CAB39L: variants seen among roughly 807,000 people sequenced by gnomAD.
CAB39L encodes calcium binding protein 39 like.
CAB39L carries 23 observed loss-of-function variants against 39.1 expected under a neutral mutation model. The ratio of observed to expected loss-of-function variants is 0.59; its 90% CI spans 0.42 to 0.83. The LOEUF (loss-of-function observed/expected upper bound fraction) is 0.83. Among genes scored for constraint, CAB39L ranks in the 40% least tolerant of loss-of-function variants. The pLI is 0.00. For synonymous variants in CAB39L, 126 were observed against 137.2 expected (o/e 0.92, Z 0.57); for missense variants, 366 against 391.9 (o/e 0.93, Z 0.56).
chr13:49,342,171 T>G (rs533925447), intron 8 of CAB39L, among the ~76,000 whole-genome samples: 2 of 152,332 alleles, frequency 1.3e-5, no homozygotes, highest in East Asian at 3.9e-4. Flanking sequence ...GTCTAGGATA[T>G]AAATGATTCA....
chr13:49,400,844 T>C (rs74072581), intron 3 of CAB39L, among the ~76,000 whole-genome samples: 100 of 152,298 alleles, frequency 6.6e-4, no homozygotes, highest in African/African-American at 2.4e-3. Flanking sequence ...GCCACTATTT[T>C]ATTTTTGGAA....
intron 3 of CAB39L, among the ~76,000 whole-genome samples, chr13:49,404,559 G>A (rs1202256438): frequency 6.6e-6 from 1 of 151,934 alleles, no homozygotes; most frequent in African/African-American, 2.4e-5. Flanking sequence ...GACCATCCAG[G>A]AAATTATGAC....
intron 3 of CAB39L, among the ~76,000 whole-genome samples, chr13:49,416,139 C>T (rs1298133574): frequency 6.6e-6 from 1 of 152,166 alleles, no homozygotes; most frequent in Non-Finnish European, 1.5e-5. Flanking sequence ...TTGCTTTTAC[C>T]CCAACTGTCT....
chr13:49,382,124 G>GT (rs1263571389), intron 4 of CAB39L, among the ~76,000 whole-genome samples: 41 of 150,790 alleles, frequency 2.7e-4, no homozygotes, highest in Admixed American at 2.2e-3. Context: ...GTGTAAAAAG[G>GT]TTTTTTTTTC....
At chr13:49,392,437 G>C (rs1406712421) in intron 3 of CAB39L, among the ~76,000 whole-genome samples, 2 of 152,016 alleles carry the variant, frequency 1.3e-5, no homozygotes, top group Non-Finnish European at 2.9e-5. Flanking sequence ...AGGAGTTTGA[G>C]ACCAGCCTGG....
chr13:49,349,674 TC>T (rs1010247143), intron 7 of CAB39L, among the ~76,000 whole-genome samples: 9 of 152,024 alleles, frequency 5.9e-5, no homozygotes, highest in African/African-American at 2.2e-4. Context: ...ATAATTATTA[TC>T]CCTCCCCAAA....
intron 7 of CAB39L, among the ~76,000 whole-genome samples, chr13:49,344,767 C>G (rs1314247403): frequency 6.6e-6 from 1 of 152,068 alleles, no homozygotes; most frequent in Non-Finnish European, 1.5e-5. Flanking sequence ...TGTGATCCAC[C>G]TGCCTCGGCC....
chr13:49,393,697 ACT>A (rs769506168), intron 3 of CAB39L, among the ~76,000 whole-genome samples: 2 of 151,898 alleles, frequency 1.3e-5, no homozygotes, highest in African/African-American at 4.8e-5. Flanking sequence ...TAAAAAAAAC[ACT>A]CTATTTTGTT....
At chr13:49,442,499 A>C (rs1957542839) in intron 1 of CAB39L, among the ~76,000 whole-genome samples, 1 of 152,142 alleles carries the variant, frequency 6.6e-6, no homozygotes, top group Non-Finnish European at 1.5e-5. Context: ...AATTAAGAAA[A>C]ATGATTCTCA....
intron 1 of CAB39L, among the ~76,000 whole-genome samples, chr13:49,440,838 T>C (rs1957504953): frequency 9.6e-6 from 1 of 104,430 alleles, no homozygotes; most frequent in Non-Finnish European, 2.4e-5. Context: ...CTACTGATTT[T>C]TGTACAGAGT....
chr13:49,355,468 A>C (rs1295209931), intron 6 of CAB39L, among the ~76,000 whole-genome samples: 2 of 152,182 alleles, frequency 1.3e-5, no homozygotes, highest in Non-Finnish European at 2.9e-5. Context: ...CACCCCTAGC[A>C]ACCAGATTGT....
intron 3 of CAB39L, among the ~76,000 whole-genome samples, chr13:49,420,953 A>G (rs1229883660): frequency 6.6e-6 from 1 of 152,186 alleles, no homozygotes; most frequent in South Asian, 2.1e-4. Flanking sequence ...AATAATAATC[A>G]TATCTAAGGG....
intron 7 of CAB39L, among the ~76,000 whole-genome samples, chr13:49,347,090 G>C (rs905194496): frequency 1.3e-5 from 2 of 151,476 alleles, no homozygotes; most frequent in Admixed American, 1.3e-4. Flanking sequence ...TTTGAAACCA[G>C]CTACTTTAAA....
rs57089737 is a variant in CAB39L, at chr13:49,337,732, GCACACACACA to G, written c.690+1935_690+1944del. On this transcript the variant is annotated intron_variant, in intron 9 of 10. Transcript: ENST00000409308. ...TCACTGATCGTCTAGCTGCTCTGGC[GCACACACACA>G]CACACACACACACACACACACACAC... Among the ~76,000 whole-genome samples the G allele has an allele frequency of 6.3e-3, 913 of 144,260 alleles. 6 individuals carry two copies. The highest frequency in any genetic ancestry group is 0.015 in the African/African-American group (581 of 38,972). 94.6% of individuals were successfully genotyped at this position (144,260 alleles called of 152,430 possible). A position where few individuals can be genotyped will look rare whatever the true frequency, so the allele number is the denominator to read the frequency against.
intron 5 of CAB39L, among the ~76,000 whole-genome samples, chr13:49,365,972 A>G (rs1245649240): frequency 6.6e-6 from 1 of 152,272 alleles, no homozygotes; most frequent in Non-Finnish European, 1.5e-5. Context: ...CTATTCAGTC[A>G]TAAAAAGGAA....
intron 3 of CAB39L, among the ~76,000 whole-genome samples, chr13:49,413,448 T>A (rs2138691925): frequency 6.6e-6 from 1 of 151,936 alleles, no homozygotes; most frequent in Admixed American, 6.5e-5. Context: ...TATAGTGAGA[T>A]AGAAAAAGGA....
At chr13:49,360,372 C>T (rs533660414) in intron 5 of CAB39L, among the ~76,000 whole-genome samples, 1 of 152,200 alleles carries the variant, frequency 6.6e-6, no homozygotes, top group South Asian at 2.1e-4. Flanking sequence ...TTTCCATTAG[C>T]TGGAAATATT....
intron 6 of CAB39L, among the ~76,000 whole-genome samples, chr13:49,358,071 C>T (rs1593980382): frequency 6.6e-6 from 1 of 152,306 alleles, no homozygotes; most frequent in East Asian, 1.9e-4. Flanking sequence ...AGAACATCTG[C>T]TCTGCACTAT....
chr13:49,393,262 A>G (rs1278679868), intron 3 of CAB39L, among the ~76,000 whole-genome samples: 2 of 152,152 alleles, frequency 1.3e-5, no homozygotes, highest in East Asian at 3.8e-4. Flanking sequence ...ATTGCCAGTC[A>G]GAAAACATAA....
Sources: allele counts gnomAD v4.1 joint callset (sites outside exome capture counted in the v4.1 genomes callset), GRCh38; gene constraint gnomAD v4.1.1; transcripts MANE v1.5; gene names NCBI Gene and HGNC (gene_info 2026-07-23, HGNC 2026-07-21).